The following CPEB4 variants were observed in gnomAD, a reference collection of about 807,000 sequenced individuals.
CPEB4 encodes cytoplasmic polyadenylation element-binding protein 4.
Under a neutral mutation model 72.5 loss-of-function variants are expected in CPEB4, and 12 were observed. The ratio of observed to expected loss-of-function variants is 0.17; its 90% CI spans 0.11 to 0.27. CPEB4 has a LOEUF of 0.27. CPEB4 is among the 10% of genes least tolerant of loss of function. The pLI is 1.00. For missense variants in CPEB4, 614 were observed against 908.5 expected (o/e 0.68, Z 4.17); for synonymous variants, 302 against 326.3 (o/e 0.93, Z 0.80).
At chr5:173,924,341 G>T (rs188748275) in intron 2 of CPEB4, among the ~76,000 whole-genome samples, 2 of 152,206 alleles carry the variant, frequency 1.3e-5, no homozygotes, top group Admixed American at 1.3e-4. Context: ...TAAGGGGTTA[G>T]GTTTTGTTCT....
At chr5:173,909,331 C>G (rs920991101) in intron 1 of CPEB4, among the ~76,000 whole-genome samples, 2 of 151,910 alleles carry the variant, frequency 1.3e-5, no homozygotes, top group African/African-American at 4.8e-5. Context: ...CTTTATTTAC[C>G]AGAAGTAATG....
Position 173,889,995 on chromosome 5 carries a change from C to A in CPEB4, c.262C>A (p.Gln88Lys), listed in dbSNP as rs1486678804. 1 of 1,614,170 alleles carries A rather than the reference C, an allele frequency of 6.2e-7. No homozygotes were observed. The highest frequency in any genetic ancestry group is 8.5e-7 in the Non-Finnish European group (1 of 1,180,034). Residue 88 changes from glutamine (Q) to lysine (K), a missense_variant, in exon 1 of 10, where the codon CAA (glutamine) becomes AAA (lysine). Gln to Lys is a moderately conservative substitution (Grantham distance 53). Transcript: ENST00000265085. ...AGCAAAAAGTCAGCAACAGGAACAG[C>A]AAGACCCCTTAGAAAAGCAGCAGCT... ...EKAKSQQQEQ[Q>K]DPLEKQQLSP...
At chr5:173,893,001 G>A (rs1224780590) in intron 1 of CPEB4, 1 of 76,762 alleles carries the variant, frequency 1.3e-5, no homozygotes, top group Non-Finnish European at 3.6e-5. Flanking sequence ...GTAGCTCTGT[G>A]TGTGTGTGTG....
At chr5:173,901,287 A>G (rs1020686486) in intron 1 of CPEB4, among the ~76,000 whole-genome samples, 1 of 152,240 alleles carries the variant, frequency 6.6e-6, no homozygotes, top group Non-Finnish European at 1.5e-5. Flanking sequence ...CCAAGGTAAT[A>G]CACTGAAGAC....
intron 9 of CPEB4, among the ~76,000 whole-genome samples, chr5:173,954,898 G>C (rs939581095): frequency 6.6e-6 from 1 of 151,980 alleles, no homozygotes; most frequent in Non-Finnish European, 1.5e-5. Context: ...CCTGGGCTTC[G>C]TGACACTCTT....
chr5:173,920,352 G>C (rs1205158991), intron 2 of CPEB4, among the ~76,000 whole-genome samples: 2 of 152,170 alleles, frequency 1.3e-5, no homozygotes, highest in African/African-American at 4.8e-5. Context: ...ACAATAAAGA[G>C]CAAGTCTTAA....
chr5:173,946,051 ATAAT>A (rs994495743), intron 5 of CPEB4, among the ~76,000 whole-genome samples: 4 of 152,370 alleles, frequency 2.6e-5, no homozygotes, highest in African/African-American at 7.2e-5. Flanking sequence ...GATCTAATAA[ATAAT>A]AAGGTTTAAT....
chr5:173,936,664 G>T (rs17076724), intron 3 of CPEB4, among the ~76,000 whole-genome samples: 64,650 of 151,964 alleles, frequency 0.43, 14,222 homozygotes, highest in South Asian at 0.53. Flanking sequence ...TTAAACATAG[G>T]CTAGTTACCT....
chr5:173,947,379 G>A (rs946241583), intron 5 of CPEB4, among the ~76,000 whole-genome samples: 1 of 152,102 alleles, frequency 6.6e-6, no homozygotes, highest in African/African-American at 2.4e-5. Flanking sequence ...TCAAGTGGAG[G>A]GGATGTGTAT....
chr5:173,919,038 T>C (rs1463658376), intron 2 of CPEB4, among the ~76,000 whole-genome samples: 1 of 152,198 alleles, frequency 6.6e-6, no homozygotes, highest in African/African-American at 2.4e-5. Flanking sequence ...ATTTAAAAGA[T>C]TTTTTTAATA....
chr5:173,903,461 C>T (rs532466732), intron 1 of CPEB4, among the ~76,000 whole-genome samples: 39 of 152,316 alleles, frequency 2.6e-4, no homozygotes, highest in African/African-American at 9.4e-4. Flanking sequence ...CCGTGGTTCT[C>T]AAAGAGTAAT....
intron 1 of CPEB4, among the ~76,000 whole-genome samples, chr5:173,894,223 G>A (rs559419745): frequency 3.9e-4 from 60 of 152,110 alleles, no homozygotes; most frequent in Non-Finnish European, 7.1e-4. Context: ...TCAAACTCCT[G>A]GGCTCAAATA....
intron 5 of CPEB4, among the ~76,000 whole-genome samples, chr5:173,947,605 G>A (rs543408487): frequency 6.6e-6 from 1 of 152,202 alleles, no homozygotes; most frequent in Admixed American, 6.5e-5. Flanking sequence ...AAAGGCGGAA[G>A]GCTAGAAAAA....
chr5:173,889,430 C>A lies in CPEB4; in HGVS notation c.-304C>A. 1 of 239,488 alleles carries A rather than the reference C, an allele frequency of 4.2e-6. No homozygotes were observed. Among genetic ancestry groups the A allele is most frequent in the Non-Finnish European group, 8.0e-6 (1 of 124,988 alleles). 14.8% of individuals were successfully genotyped at this position (239,488 alleles called of 1,614,324 possible). A position where few individuals can be genotyped will look rare whatever the true frequency, so the allele number is the denominator to read the frequency against. ...TACATTTTCCTTTGGAAAAAGAAAG[C>A]GCCTATTTTACTAACCAAAGACTTG... On this transcript the variant is annotated 5_prime_UTR_variant, in exon 1 of 10. Coordinates refer to ENST00000265085, the MANE Select transcript of CPEB4 (RefSeq NM_030627.4).
intron 1 of CPEB4, among the ~76,000 whole-genome samples, chr5:173,909,771 G>T (rs1441673482): frequency 6.6e-6 from 1 of 151,992 alleles, no homozygotes; most frequent in East Asian, 1.9e-4. Flanking sequence ...AGGCTAGGCA[G>T]GTGGATCCTT....
chr5:173,932,091 C>T (rs557672014), intron 2 of CPEB4, among the ~76,000 whole-genome samples: 1 of 152,290 alleles, frequency 6.6e-6, no homozygotes, highest in African/African-American at 2.4e-5. Context: ...GAGAATATTA[C>T]TGCCAATTAC....
rs1387840199 is a variant in CPEB4, at chr5:173,949,966, C to T, written c.1553C>T (p.Ala518Val). The change falls in exon 7 of 10, where the codon GCA becomes GTA. Residue 518 changes from alanine to valine, a missense_variant. Physicochemically the swap from Ala to Val is moderately conservative, Grantham distance 64 (BLOSUM62 0). This residue lies in a region of CPEB4 where 25 missense variants were observed against 68.9 expected (regional missense o/e 0.36). Transcript: ENST00000265085. ...SKSYFPPKGY[A>V]FLLFQDESSV... The stretch of plus-strand genomic sequence containing the variant: ...CTTTCCCCCTTTTTTCCAGGCTATG[C>T]ATTCCTGCTGTTTCAAGATGAAAGC... The T allele has an allele frequency of 1.2e-6, 2 of 1,603,546 alleles. No individual in the cohort carries two copies. The highest frequency in any genetic ancestry group is 8.5e-7 in the Non-Finnish European group (1 of 1,173,636).
At chr5:173,909,465 A>T (rs1005974809) in intron 1 of CPEB4, among the ~76,000 whole-genome samples, 3 of 152,222 alleles carry the variant, frequency 2.0e-5, no homozygotes, top group South Asian at 2.1e-4. Flanking sequence ...GACAGTAATG[A>T]GAGCAGCTTC....
chr5:173,908,023 A>G (rs1457113935), intron 1 of CPEB4, among the ~76,000 whole-genome samples: 1 of 152,210 alleles, frequency 6.6e-6, no homozygotes, highest in Non-Finnish European at 1.5e-5. Flanking sequence ...ATGGAAATGG[A>G]TGGCCCTTTT....
Sources: allele counts gnomAD v4.1 joint callset (sites outside exome capture counted in the v4.1 genomes callset), GRCh38; gene constraint gnomAD v4.1.1; regional missense constraint gnomAD v4.1.1; transcripts MANE v1.5; gene names NCBI Gene and HGNC (gene_info 2026-07-23, HGNC 2026-07-21).